Variants in PKHD1L1 observed in about 807,000 individuals in gnomAD.
PKHD1L1 encodes PKHD1 like 1, also known as fibrocystin-L.
In PKHD1L1, 434 loss-of-function variants were observed where a neutral mutation model predicts 462.9. The ratio of observed to expected loss-of-function variants is 0.94; its 90% CI spans 0.87 to 1.02. PKHD1L1 has a LOEUF of 1.02. Ranked by LOEUF, PKHD1L1 falls within the 50% of genes least tolerant of loss-of-function variation. PKHD1L1 has a pLI of 0.00. For missense variants in PKHD1L1, 5,202 were observed against 5,096.1 expected, an observed-to-expected ratio of 1.02 and a Z score of -0.63; for synonymous variants, 1,781 against 1,750.0, an observed-to-expected ratio of 1.02 and a Z score of -0.44.
At chr8:109,454,898 C>A in intron 45 of PKHD1L1, 46 bp downstream of exon 45, 1 of 1,561,750 alleles carries the variant, frequency 6.4e-7, no homozygotes, top group Non-Finnish European at 8.7e-7. Flanking sequence ...GAAGACTCAC[C>A]AGGACACCAG....
intron 29 of PKHD1L1, 140 bp from the exon 30 acceptor site, chr8:109,436,198 G>A: frequency 1.2e-6 from 1 of 832,874 alleles, no homozygotes; most frequent in Non-Finnish European, 1.8e-6. Context: ...TCTCAAGTCT[G>A]GTCCTTGATC....
At position 109,530,111 on chromosome 8, in the gene PKHD1L1, G is replaced by T; in HGVS notation, c.*21G>T. 1 of 1,320,098 alleles carries T rather than the reference G, an allele frequency of 7.6e-7. No homozygotes were observed. Among genetic ancestry groups the T allele is most frequent in the Non-Finnish European group, 9.8e-7 (1 of 1,016,234 alleles). 81.8% of individuals were successfully genotyped at this position (1,320,098 alleles called of 1,614,324 possible). ...ACTAAAGTGCTGTTCCGAAGAATAG[G>T]CTGAAACAAAAATATAAGAATTATT... On this transcript the variant is annotated 3_prime_UTR_variant, in exon 78 of 78. Transcript: ENST00000378402.
At chr8:109,497,430 C>CTTT (rs11475834) in intron 65 of PKHD1L1, among the ~76,000 whole-genome samples, 158 bp downstream of exon 65, 12 of 113,496 alleles carry the variant, frequency 1.1e-4, no homozygotes, top group Middle Eastern at 0.01. Flanking sequence ...AAAAACCGTT[C>CTTT]TTTTTTTTTT....
intron 71 of PKHD1L1, 106 bp downstream of exon 71, chr8:109,511,040 G>T (rs2130988986): frequency 7.7e-7 from 1 of 1,297,284 alleles, no homozygotes; most frequent in East Asian, 2.4e-5. Context: ...CAGCCTTACA[G>T]CTCATTTCCA....
chr8:109,372,251 A>G (rs889195054), intron 2 of PKHD1L1, among the ~76,000 whole-genome samples: 18 of 152,024 alleles, frequency 1.2e-4, no homozygotes, highest in Non-Finnish European at 2.2e-4. Context: ...TGGGTATTTT[A>G]TTCTCTTTGA....
At chr8:109,452,309 C>T in intron 42 of PKHD1L1, 29 bp downstream of exon 42, 2 of 1,483,590 alleles carry the variant, frequency 1.3e-6, no homozygotes, top group Non-Finnish European at 1.8e-6. Flanking sequence ...ATAGTAATCA[C>T]AGCAATAGAA....
Position 109,444,756 on chromosome 8 carries a change from C to G in PKHD1L1, c.4887C>G (p.Ile1629Met), listed in dbSNP as rs911325869. The G allele has an allele frequency of 1.2e-6, 2 of 1,613,974 alleles. No individual in the cohort carries two copies. The highest frequency in any genetic ancestry group is 1.7e-6 in the Non-Finnish European group (2 of 1,179,878). ...CTCAAAACTCAATGGATGTTGGTAT[C>G]AGGGAAACTGTCACTTTGACTGTCT... is the stretch of plus-strand genomic sequence containing the variant. ...IDPQNSMDVGIRETVTLTVYN... is the reference protein window; with the variant it reads ...IDPQNSMDVGMRETVTLTVYN... Residue 1629 changes from isoleucine to methionine, a missense_variant, in exon 38 of 78, where the codon ATC becomes ATG. By Grantham distance (10) the Ile-to-Met change is conservative. This residue lies in a region of PKHD1L1 where 4,497 missense variants were observed against 4,336.8 expected (regional missense o/e 1.04). Transcript: ENST00000378402.
At chr8:109,479,789 T>C (rs1818180941) in intron 54 of PKHD1L1, 150 bp downstream of exon 54, 1 of 831,382 alleles carries the variant, frequency 1.2e-6, no homozygotes, top group African/African-American at 1.7e-5. Context: ...ATACTAAACC[T>C]AGCCTTCTGG....
chr8:109,467,111 A>T (rs1319371957), intron 50 of PKHD1L1, among the ~76,000 whole-genome samples: 2 of 152,074 alleles, frequency 1.3e-5, no homozygotes, highest in East Asian at 3.9e-4. Flanking sequence ...TTGAGATGGG[A>T]TGGGGGAGCA....
chr8:109,430,522 T>C (rs1304816269), intron 27 of PKHD1L1, among the ~76,000 whole-genome samples: 1 of 152,172 alleles, frequency 6.6e-6, no homozygotes, highest in Non-Finnish European at 1.5e-5. Context: ...ATTATTGCCA[T>C]GAACTCAATC....
rs554729070 is a variant in PKHD1L1 at position 109,398,997 on chromosome 8, A to G, written c.1012+449A>G. The stretch of plus-strand genomic sequence containing the variant: ...AAATGTTACTCTAAATTCTTTTCAG[A>G]CTTACACCTTGTGGCTCAGTGAAAT... On this transcript the variant is annotated intron_variant, in intron 12 of 77. Transcript: ENST00000378402. Among the ~76,000 whole-genome samples, 5 of 152,286 alleles carry G rather than the reference A, an allele frequency of 3.3e-5. No homozygotes were observed. The East Asian group carries it at 7.7e-4, about 23-fold the overall frequency.
intron 42 of PKHD1L1, 77 bp downstream of exon 42, chr8:109,452,357 T>C (rs1172750705): frequency 2.3e-6 from 3 of 1,295,602 alleles, no homozygotes; most frequent in Non-Finnish European, 3.0e-6. Context: ...TGGTAATTGT[T>C]GTTTTACTTT....
At position 109,374,599 on chromosome 8, in the gene PKHD1L1, T is replaced by C. The variant is rs187321770; in HGVS notation, c.164-6771T>C. ...TGATGCAGTTTCTTCCTAGCCTTGA[T>C]GGTCTTTACAATTTGGCATGTTTTT... is the stretch of plus-strand genomic sequence containing the variant. On this transcript the variant is annotated intron_variant, in intron 2 of 77. Transcript: ENST00000378402. 2.6e-3 allele frequency among the ~76,000 whole-genome samples: 401 copies of C among 152,386 alleles called. 5 individuals are homozygous for C. The highest frequency in any genetic ancestry group is 0.019 in the Admixed American group (294 of 15,308).
At position 109,491,859 on chromosome 8, in the gene PKHD1L1, CTT is replaced by C. The variant is rs56235913; in HGVS notation, c.10115-8_10115-7del. ...TTTTGGGGATTTTCTTTCTTTTTTTCTTTTTTTAAACAGGCATAAGAATATGG... is the reference window on the plus strand; with the variant it reads ...TTTTGGGGATTTTCTTTCTTTTTTTCTTTTTAAACAGGCATAAGAATATGG... On this transcript the variant is annotated splice_polypyrimidine_tract_variant and intron_variant, in intron 61 of 77. Transcript: ENST00000378402. 15 of 1,564,480 alleles carry C rather than the reference CTT, an allele frequency of 9.6e-6. No individual in the cohort carries two copies. Among genetic ancestry groups the C allele is most frequent in the Non-Finnish European group, 1.3e-5 (15 of 1,151,294 alleles).
chr8:109,369,528 T>A (rs935515236), intron 2 of PKHD1L1, among the ~76,000 whole-genome samples: 2 of 152,128 alleles, frequency 1.3e-5, no homozygotes, highest in Non-Finnish European at 2.9e-5. Flanking sequence ...ATATCATCTT[T>A]TGTTGGCATT....
intron 2 of PKHD1L1, among the ~76,000 whole-genome samples, chr8:109,366,468 T>C (rs1221639788): frequency 6.6e-6 from 1 of 152,142 alleles, no homozygotes; most frequent in Non-Finnish European, 1.5e-5. Context: ...AGGAGGGATA[T>C]TGGTCAAAGG....
At position 109,427,030 on chromosome 8, in the gene PKHD1L1, T is replaced by A; in HGVS notation, c.2874T>A (p.Asp958Glu). Reference sequence around the variant, plus strand: ...TCCCCGCTGCTGTGTCAGCTGCAGATCTGCAGTTTGCACTCCAGAGTCTGG... The same window carrying A: ...TCCCCGCTGCTGTGTCAGCTGCAGAACTGCAGTTTGCACTCCAGAGTCTGG... ...KGLPAAVSAA[D>E]LQFALQSLEG... The change falls in exon 25 of 78, where the codon GAT becomes GAA. Residue 958 changes from aspartate (D) to glutamate (E), a missense_variant. Around this residue, in one of 3 missense-constraint regions of PKHD1L1, gnomAD observed 4,497 missense variants for 4,336.8 expected, o/e 1.04. Transcript: ENST00000378402. 6.2e-7 allele frequency: 1 copy of A among 1,605,444 alleles called. No homozygotes were observed. The highest frequency in any genetic ancestry group is 8.5e-7 in the Non-Finnish European group (1 of 1,172,114).
intron 2 of PKHD1L1, among the ~76,000 whole-genome samples, chr8:109,378,309 A>T (rs1811940942): frequency 6.6e-6 from 1 of 152,158 alleles, no homozygotes; most frequent in Non-Finnish European, 1.5e-5. Context: ...AGACAGTGTG[A>T]GTCACATGAT....
intron 19 of PKHD1L1, 60 bp from the exon 20 acceptor site, chr8:109,412,205 G>T (rs948860881): frequency 4.0e-5 from 64 of 1,584,254 alleles, no homozygotes; most frequent in Non-Finnish European, 5.2e-5. Flanking sequence ...GGGTGCACAC[G>T]TTGGGGGAAA....
Sources: gnomAD v4.1 joint callset for allele counts (sites outside exome capture counted in the v4.1 genomes callset) on GRCh38, gnomAD v4.1.1 for gene constraint, gnomAD v4.1.1 regional missense constraint, MANE v1.5 for transcripts, NCBI Gene and HGNC (gene_info 2026-07-23, HGNC 2026-07-21) for gene names.